Variants in CNTN5 observed in about 807,000 individuals in gnomAD.
CNTN5 encodes the protein contactin 5.
A neutral mutation model predicts 129.1 loss-of-function variants in CNTN5; 77 were observed. That is an observed-to-expected ratio of 0.60 (90% CI 0.50 to 0.72). The LOEUF (loss-of-function observed/expected upper bound fraction) is 0.72. Among genes scored for constraint, CNTN5 ranks in the 30% least tolerant of loss-of-function variants. The pLI, the probability that CNTN5 is intolerant of heterozygous loss-of-function variation, is 0.00. For synonymous variants in CNTN5, 509 were observed against 465.6 expected (o/e 1.09, Z -1.20); for missense variants, 1,478 against 1,328.8 (o/e 1.11, Z -1.75).
At chr11:99,904,910 T>G (rs1295975483) in intron 6 of CNTN5, among the ~76,000 whole-genome samples, 2 of 152,220 alleles carry the variant, frequency 1.3e-5, no homozygotes, top group African/African-American at 4.8e-5. Flanking sequence ...GAGATTTTCT[T>G]CATATGTTTG....
intron 7 of CNTN5, among the ~76,000 whole-genome samples, chr11:99,932,286 G>A (rs1303272575): frequency 6.6e-6 from 1 of 151,984 alleles, no homozygotes; most frequent in Non-Finnish European, 1.5e-5. Flanking sequence ...TTCGCCTCCC[G>A]GGTTCCAGCA....
chr11:99,901,587 C>T (rs1949358777), intron 6 of CNTN5, among the ~76,000 whole-genome samples: 1 of 152,138 alleles, frequency 6.6e-6, no homozygotes, highest in Non-Finnish European at 1.5e-5. Flanking sequence ...GCCACCATGC[C>T]TGACCTGGTC....
chr11:99,532,069 C>T (rs1382516256), intron 2 of CNTN5, among the ~76,000 whole-genome samples: 1 of 151,914 alleles, frequency 6.6e-6, no homozygotes, highest in Non-Finnish European at 1.5e-5. Flanking sequence ...CTGGAAAAGC[C>T]ACAGACAGTC....
intron 13 of CNTN5, among the ~76,000 whole-genome samples, chr11:100,130,442 A>G (rs1168788409): frequency 6.6e-6 from 1 of 152,196 alleles, no homozygotes; most frequent in Non-Finnish European, 1.5e-5. Flanking sequence ...AGAATATGGA[A>G]AAGAATATTT....
chr11:100,268,571 G>T (rs1455722451), intron 17 of CNTN5, among the ~76,000 whole-genome samples: 1 of 152,166 alleles, frequency 6.6e-6, no homozygotes, highest in Non-Finnish European at 1.5e-5. Context: ...TGAAGACTGA[G>T]AATTGATCAT....
intron 3 of CNTN5, among the ~76,000 whole-genome samples, chr11:99,693,851 A>T (rs1253879942): frequency 5.9e-5 from 9 of 152,114 alleles, no homozygotes; most frequent in African/African-American, 2.2e-4. Flanking sequence ...AAGGTAGGTA[A>T]ATGAATATGA....
intron 3 of CNTN5, among the ~76,000 whole-genome samples, chr11:99,657,532 A>G (rs548362215): frequency 1.3e-5 from 2 of 152,226 alleles, no homozygotes; most frequent in South Asian, 2.1e-4. Context: ...ACTGATTATT[A>G]CTACCCAGTA....
At chr11:99,326,185 G>T (rs1360594623) in intron 2 of CNTN5, among the ~76,000 whole-genome samples, 1 of 152,182 alleles carries the variant, frequency 6.6e-6, no homozygotes, top group African/African-American at 2.4e-5. Flanking sequence ...TTACGACTAA[G>T]TGGCACCAGT....
At chr11:100,084,623 C>A (rs541794774) in intron 13 of CNTN5, among the ~76,000 whole-genome samples, 2 of 151,860 alleles carry the variant, frequency 1.3e-5, no homozygotes, top group South Asian at 4.2e-4. Context: ...CAGATGTTAT[C>A]ATTTGCATGC....
intron 2 of CNTN5, among the ~76,000 whole-genome samples, chr11:99,453,382 A>G (rs1328775614): frequency 2.6e-5 from 4 of 152,232 alleles, no homozygotes; most frequent in African/African-American, 9.6e-5. Flanking sequence ...TCTTTAATTC[A>G]TAACTGAAAC....
intron 13 of CNTN5, among the ~76,000 whole-genome samples, chr11:100,145,223 T>C (rs1290112308): frequency 6.6e-6 from 1 of 152,144 alleles, no homozygotes; most frequent in Non-Finnish European, 1.5e-5. Context: ...ACTTAGCACA[T>C]AAAATGACAT....
chr11:99,258,196 T>C (rs1191544638), intron 1 of CNTN5, among the ~76,000 whole-genome samples: 1 of 152,054 alleles, frequency 6.6e-6, no homozygotes, highest in Non-Finnish European at 1.5e-5. Flanking sequence ...GCAGGTTTGT[T>C]ATATAGGTAA....
intron 8 of CNTN5, among the ~76,000 whole-genome samples, chr11:99,992,102 C>A (rs888599): frequency 0.38 from 57,642 of 152,000 alleles, 12,379 homozygotes; most frequent in African/African-American, 0.59. Context: ...GCAAAAATGA[C>A]AATACCCATT....
chr11:99,453,124 A>G (rs1281462818), intron 2 of CNTN5, among the ~76,000 whole-genome samples: 1 of 152,222 alleles, frequency 6.6e-6, no homozygotes, highest in Non-Finnish European at 1.5e-5. Flanking sequence ...CTGTAAAAGT[A>G]GCACTAAAAA....
At chr11:99,031,225 T>A (rs11218124) in intron 1 of CNTN5, among the ~76,000 whole-genome samples, 2 of 152,170 alleles carry the variant, frequency 1.3e-5, no homozygotes, top group Non-Finnish European at 2.9e-5. Flanking sequence ...AAAAATGACA[T>A]CTAGATATAT....
At chr11:99,532,341 C>T (rs1343289133) in intron 2 of CNTN5, among the ~76,000 whole-genome samples, 2 of 152,130 alleles carry the variant, frequency 1.3e-5, no homozygotes, top group Non-Finnish European at 2.9e-5. Flanking sequence ...TAGGAAGTAA[C>T]TAACTTGCTT....
chr11:99,917,673 C>T (rs1214585910), intron 7 of CNTN5, among the ~76,000 whole-genome samples: 1 of 151,888 alleles, frequency 6.6e-6, no homozygotes, highest in African/African-American at 2.4e-5. Context: ...TATTTTAAGG[C>T]TGGGGAACGT....
chr11:99,844,959 C>A lies in CNTN5; in HGVS notation c.385C>A (p.Pro129Thr). Residue 129 changes from proline to threonine, a missense_variant, in exon 5 of 25, where the codon CCA (proline) becomes ACA (threonine). Pro to Thr is a conservative substitution (Grantham distance 38). Transcript: ENST00000524871. ...VALNCEVRGN[P>T]VPSYRWLRNG... is the part of the protein sequence containing the mutation. ...ATTGAATTGTGAAGTTCGTGGCAAT[C>A]CAGTTCCCAGTTACAGGTAGGAATT... 4 of 1,613,210 alleles carry A rather than the reference C, an allele frequency of 2.5e-6. No homozygotes were observed.
intron 1 of CNTN5, among the ~76,000 whole-genome samples, chr11:99,080,912 C>A (rs1446775195): frequency 1.3e-5 from 2 of 150,892 alleles, no homozygotes; most frequent in African/African-American, 4.9e-5. Context: ...GAAGATTTTC[C>A]TTAGAGACAG....
Sources: allele counts gnomAD v4.1 joint callset (sites outside exome capture counted in the v4.1 genomes callset), GRCh38; gene constraint gnomAD v4.1.1; transcripts MANE v1.5; gene names NCBI Gene and HGNC (gene_info 2026-07-23, HGNC 2026-07-21).